The following CCDC141 variants were observed in gnomAD, a reference collection of about 807,000 sequenced individuals.
CCDC141 encodes the protein coiled-coil domain containing 141.
CCDC141 carries 168 observed loss-of-function variants against 181.0 expected under a neutral mutation model. The ratio of observed to expected loss-of-function variants is 0.93; its 90% CI spans 0.82 to 1.05. The LOEUF (loss-of-function observed/expected upper bound fraction) is 1.05, where lower values mean the gene tolerates loss of function less well. Among genes scored for constraint, CCDC141 ranks in the 50% least tolerant of loss-of-function variants. CCDC141 has a pLI of 0.00. For synonymous variants in CCDC141, 666 were observed against 642.3 expected (o/e 1.04, Z -0.56); for missense variants, 1,902 against 1,788.5 (o/e 1.06, Z -1.14).
intron 4 of CCDC141, among the ~76,000 whole-genome samples, chr2:178,969,805 T>C (rs1690803473): frequency 6.6e-6 from 1 of 152,188 alleles, no homozygotes; most frequent in African/African-American, 2.4e-5. Context: ...AAATAAACGG[T>C]ATTCAAATAG....
intron 2 of CCDC141, among the ~76,000 whole-genome samples, chr2:179,006,192 G>T (rs1035465321): frequency 6.6e-6 from 1 of 152,240 alleles, no homozygotes; most frequent in South Asian, 2.1e-4. Flanking sequence ...AGACCAGCTT[G>T]TTCATTTGCA....
chr2:179,029,623 T>A (rs1486245912), intron 2 of CCDC141, among the ~76,000 whole-genome samples: 1 of 152,184 alleles, frequency 6.6e-6, no homozygotes, highest in Non-Finnish European at 1.5e-5. Context: ...ACATATTGGA[T>A]CCATAAGTTA....
intron 6 of CCDC141, among the ~76,000 whole-genome samples, chr2:178,927,945 G>T (rs546852077): frequency 6.6e-6 from 1 of 152,314 alleles, no homozygotes; most frequent in South Asian, 2.1e-4. Context: ...TAGTGGTTGA[G>T]AATTTTAAAA....
intron 2 of CCDC141, among the ~76,000 whole-genome samples, chr2:179,004,732 A>AT (rs201277790): frequency 2.7e-4 from 40 of 150,454 alleles, no homozygotes; most frequent in African/African-American, 5.4e-4. Flanking sequence ...TAAAGACTAA[A>AT]TTTTTTTTTT....
chr2:178,864,320 A>T (rs935032953), intron 17 of CCDC141, among the ~76,000 whole-genome samples: 1 of 152,216 alleles, frequency 6.6e-6, no homozygotes, highest in Non-Finnish European at 1.5e-5. Flanking sequence ...TTCCATAACC[A>T]TGAATCCACA....
At chr2:178,911,788 A>G (rs906290047) in intron 7 of CCDC141, among the ~76,000 whole-genome samples, 8 of 152,344 alleles carry the variant, frequency 5.3e-5, no homozygotes, top group African/African-American at 1.9e-4. Context: ...AGGCATACAG[A>G]GAAATATTAT....
chr2:178,941,435 A>G (rs1314934915), intron 6 of CCDC141, among the ~76,000 whole-genome samples: 1 of 152,090 alleles, frequency 6.6e-6, no homozygotes, highest in Non-Finnish European at 1.5e-5. Context: ...TATCTTTAGA[A>G]CCTTTTTGTA....
At chr2:178,924,025 G>C (rs988715857) in intron 6 of CCDC141, among the ~76,000 whole-genome samples, 1 of 152,102 alleles carries the variant, frequency 6.6e-6, no homozygotes, top group African/African-American at 2.4e-5. Context: ...CAACTGAAAA[G>C]AAAAAATAAT....
At chr2:178,881,221 G>C (rs1430877226) in intron 11 of CCDC141, among the ~76,000 whole-genome samples, 1 of 152,202 alleles carries the variant, frequency 6.6e-6, no homozygotes. Flanking sequence ...CAAACCTAGA[G>C]GCACAGAAAG....
At chr2:179,015,569 C>CATATATATGATAT (rs1559050128) in intron 2 of CCDC141, among the ~76,000 whole-genome samples, 4 of 46,654 alleles carry the variant, frequency 8.6e-5, no homozygotes, top group East Asian at 1.6e-3. Flanking sequence ...ATATATATCT[C>CATATATATGATAT]ATATATCTCA....
chr2:179,002,451 G>A, intron 2 of CCDC141: 1 of 392,666 alleles, frequency 2.5e-6, no homozygotes. Flanking sequence ...TCATCACTTG[G>A]GGCCCAAAAG....
In CCDC141 at chr2:178,992,281, AAT is replaced by A. The variant is rs531086434; in HGVS notation, c.226-13608_226-13607del. On this transcript the variant is annotated intron_variant, in intron 2 of 23. Coordinates refer to ENST00000443758, the MANE Select transcript of CCDC141 (RefSeq NM_173648.4). ...TTCAATTTTCAATTTTTTATAATAA[AAT>A]ATGTTATTTTTATTATTGGAGAAAT... Among the ~76,000 whole-genome samples the A allele has an allele frequency of 2.1e-4, 32 of 150,864 alleles. No individual in the cohort carries two copies. The South Asian group carries it at 3.8e-3, about 18-fold the overall frequency.
At chr2:179,015,120 T>C (rs1220493445) in intron 2 of CCDC141, among the ~76,000 whole-genome samples, 2 of 62,024 alleles carry the variant, frequency 3.2e-5, no homozygotes, top group Non-Finnish European at 6.0e-5. Context: ...TATATAATCA[T>C]ATATATATAT....
intron 12 of CCDC141, chr2:178,877,165 T>C (rs1160789581): frequency 6.6e-6 from 1 of 152,134 alleles, no homozygotes; most frequent in Non-Finnish European, 1.5e-5. Context: ...AGCTCCTTCA[T>C]AAATGATGGA....
Position 178,959,952 on chromosome 2 carries a change from C to A in CCDC141, c.780+1278G>T, listed in dbSNP as rs190789102. Among the ~76,000 whole-genome samples the A allele has an allele frequency of 1.1e-3, 172 of 152,294 alleles. 1 individual carries two copies. Among genetic ancestry groups the A allele is most frequent in the African/African-American group, 4.0e-3 (166 of 41,560 alleles). ...CTCATCATTTATTATAAGTCCTTCT[C>A]ATCACATTAGAACAATGGTTCTTAA... On this transcript the variant is annotated intron_variant, in intron 5 of 23. Transcript: ENST00000443758.
At chr2:178,925,673 T>C (rs1313203484) in intron 6 of CCDC141, among the ~76,000 whole-genome samples, 2 of 152,198 alleles carry the variant, frequency 1.3e-5, no homozygotes, top group Non-Finnish European at 2.9e-5. Context: ...TAATCACGTT[T>C]TCTTCTAGTT....
intron 10 of CCDC141, among the ~76,000 whole-genome samples, 152 bp from the exon 11 acceptor site, chr2:178,885,244 T>TTTA (rs535328260): frequency 5.8e-5 from 8 of 137,154 alleles, no homozygotes; most frequent in Admixed American, 1.4e-4. Context: ...TCCAAAATTC[T>TTTA]AAAAAAAAAA....
At position 178,967,407 on chromosome 2, in the gene CCDC141, A is replaced by C. The variant is rs567509168; in HGVS notation, c.527-5924T>G. ...AGCGGATCTCTCTGCAGAAACTCTAAAAGCCAGAAGAGAGTGGGGGCCAAT... is the reference window on the plus strand; with the variant it reads ...AGCGGATCTCTCTGCAGAAACTCTACAAGCCAGAAGAGAGTGGGGGCCAAT... On this transcript the variant is annotated intron_variant, in intron 4 of 23. Coordinates refer to ENST00000443758, the MANE Select transcript of CCDC141 (RefSeq NM_173648.4). Among the ~76,000 whole-genome samples the C allele has an allele frequency of 9.8e-5, 15 of 152,306 alleles. 1 individual carries two copies. The South Asian group carries it at 2.3e-3, about 23-fold the overall frequency.
At chr2:178,934,569 G>A (rs1217495059) in intron 6 of CCDC141, among the ~76,000 whole-genome samples, 2 of 152,070 alleles carry the variant, frequency 1.3e-5, no homozygotes, top group African/African-American at 4.8e-5. Context: ...GTCAAAGGTC[G>A]TATTTAAAAA....
Sources: allele counts gnomAD v4.1 joint callset (sites outside exome capture counted in the v4.1 genomes callset), GRCh38; gene constraint gnomAD v4.1.1; transcripts MANE v1.5; gene names NCBI Gene and HGNC (gene_info 2026-07-23, HGNC 2026-07-21).